Variants in RPS6KC1 observed in about 807,000 individuals in gnomAD.
The protein encoded by RPS6KC1 is inactive ribosomal protein S6 kinase delta-1.
Under a neutral mutation model 103.8 loss-of-function variants are expected in RPS6KC1, and 54 were observed. The observed-to-expected ratio is 0.52, with a 90% confidence interval of 0.42 to 0.65. The LOEUF (loss-of-function observed/expected upper bound fraction) is 0.65, where lower values mean the gene tolerates loss of function less well. Ranked by LOEUF, RPS6KC1 falls within the 30% of genes least tolerant of loss-of-function variation. RPS6KC1 has a pLI of 0.00. For synonymous variants in RPS6KC1, 439 were observed against 438.7 expected, an observed-to-expected ratio of 1.00 and a Z score of -0.01; for missense variants, 1,151 against 1,253.8, an observed-to-expected ratio of 0.92 and a Z score of 1.24.
At chr1:213,511,285 G>T in the RPS6KC1 span, among the ~76,000 whole-genome samples, 1 of 152,120 alleles carries the variant, frequency 6.6e-6, no homozygotes, top group African/African-American at 2.4e-5. Flanking sequence ...TGGAAGCTGT[G>T]TGCCTTTGGG....
the RPS6KC1 span, among the ~76,000 whole-genome samples, chr1:213,857,619 A>C: frequency 6.6e-6 from 1 of 152,208 alleles, no homozygotes; most frequent in Non-Finnish European, 1.5e-5. Context: ...CAAACTTTCA[A>C]ACCAACCAGG....
chr1:213,754,671 G>A, the RPS6KC1 span, among the ~76,000 whole-genome samples: 33,592 of 152,114 alleles, frequency 0.22, 6,193 homozygotes, highest in African/African-American at 0.51. Flanking sequence ...AGATGCTGCC[G>A]TGCTTCCTCT....
chr1:213,061,919 T>G (rs1169900459), intron 1 of RPS6KC1, among the ~76,000 whole-genome samples: 2 of 152,252 alleles, frequency 1.3e-5, no homozygotes, highest in Non-Finnish European at 2.9e-5. Context: ...TCTGCTACCC[T>G]TAACTAGCAG....
intron 13 of RPS6KC1, among the ~76,000 whole-genome samples, chr1:213,262,407 G>A (rs1040686675): frequency 1.4e-4 from 22 of 152,186 alleles, no homozygotes; most frequent in African/African-American, 4.8e-4. Context: ...CATTTTAAAG[G>A]TATCAAATCT....
chr1:213,516,456 T>A, the RPS6KC1 span, among the ~76,000 whole-genome samples: 1 of 152,244 alleles, frequency 6.6e-6, no homozygotes. Flanking sequence ...TTGAATTTTG[T>A]CAAAGGCCTT....
chr1:213,681,627 T>A, the RPS6KC1 span, among the ~76,000 whole-genome samples: 3 of 152,036 alleles, frequency 2.0e-5, no homozygotes, highest in Non-Finnish European at 4.4e-5. Context: ...CAAGACCTTG[T>A]CTCTACAAAA....
the RPS6KC1 span, among the ~76,000 whole-genome samples, chr1:213,399,528 A>G: frequency 6.6e-6 from 1 of 152,022 alleles, no homozygotes; most frequent in African/African-American, 2.4e-5. Flanking sequence ...AAACTGCTTA[A>G]ACTCCCTGAC....
the RPS6KC1 span, among the ~76,000 whole-genome samples, chr1:213,823,095 C>T: frequency 6.6e-6 from 1 of 152,212 alleles, no homozygotes; most frequent in South Asian, 2.1e-4. Flanking sequence ...AGCTATAAAT[C>T]AAAGCCTTGC....
In RPS6KC1 at chr1:213,241,512, A is replaced by T. The variant is rs1253368631; in HGVS notation, c.2036A>T (p.Asp679Val). Reference protein sequence around the residue: ...PVISFKDAAFDDVSGTDEGRP... With the variant: ...PVISFKDAAFVDVSGTDEGRP... ...ATTTCATTTAAAGATGCTGCTTTTGATGATGTCAGTGGTACTGATGAAGGA... is the reference window on the plus strand; with the variant it reads ...ATTTCATTTAAAGATGCTGCTTTTGTTGATGTCAGTGGTACTGATGAAGGA... Residue 679 changes from aspartate to valine, a missense_variant, in exon 11 of 15, where the codon GAT becomes GTT. Physicochemically the swap from Asp to Val is radical, Grantham distance 152. Coordinates refer to ENST00000366960, the MANE Select transcript of RPS6KC1 (RefSeq NM_012424.6). The T allele has an allele frequency of 5.0e-6, 8 of 1,613,968 alleles. No homozygotes were observed. The South Asian group carries it at 8.8e-5, about 18-fold the overall frequency.
chr1:213,682,952 C>CACAA, the RPS6KC1 span, among the ~76,000 whole-genome samples: 1 of 152,222 alleles, frequency 6.6e-6, no homozygotes. Flanking sequence ...TCTCCACACA[C>CACAA]TTGTGTGTGT....
chr1:213,615,102 T>C, the RPS6KC1 span, among the ~76,000 whole-genome samples: 2 of 152,216 alleles, frequency 1.3e-5, no homozygotes, highest in Non-Finnish European at 2.9e-5. Context: ...TCTATTCCAT[T>C]CTATTTTGTT....
chr1:213,227,860 G>A (rs1004030935), intron 8 of RPS6KC1, among the ~76,000 whole-genome samples: 4 of 152,078 alleles, frequency 2.6e-5, no homozygotes. Context: ...TTTTGAAATG[G>A]ATTCATGTGA....
At chr1:213,812,819 G>T in the RPS6KC1 span, among the ~76,000 whole-genome samples, 4 of 152,178 alleles carry the variant, frequency 2.6e-5, no homozygotes, top group Non-Finnish European at 4.4e-5. Flanking sequence ...AACTCCCACT[G>T]AATGTGGGGA....
At chr1:213,156,663 AAGAG>A (rs1017140041) in intron 6 of RPS6KC1, among the ~76,000 whole-genome samples, 3 of 152,328 alleles carry the variant, frequency 2.0e-5, no homozygotes, top group Middle Eastern at 3.4e-3. Flanking sequence ...AAAACAATGT[AAGAG>A]AGATGACAAT....
At chr1:213,400,251 C>T in the RPS6KC1 span, among the ~76,000 whole-genome samples, 3 of 151,928 alleles carry the variant, frequency 2.0e-5, no homozygotes. Flanking sequence ...GAAGAGCTAC[C>T]GAAGAGAAAC....
the RPS6KC1 span, among the ~76,000 whole-genome samples, chr1:213,565,959 C>CAAAAAAAA: frequency 1.6e-5 from 1 of 64,408 alleles, no homozygotes. Flanking sequence ...AACTCCATCT[C>CAAAAAAAA]AAAAAAAAAA....
At chr1:213,350,927 A>G in the RPS6KC1 span, among the ~76,000 whole-genome samples, 151,541 of 152,270 alleles carry the variant, frequency 1, 75,413 homozygotes, top group Non-Finnish European at 1. Flanking sequence ...TACATGTTTT[A>G]TATATGATTG....
chr1:213,512,336 G>A, the RPS6KC1 span, among the ~76,000 whole-genome samples: 7 of 152,314 alleles, frequency 4.6e-5, no homozygotes, highest in Admixed American at 3.9e-4. Flanking sequence ...TAACTTGTAC[G>A]ATTGCCGCCT....
intron 1 of RPS6KC1, among the ~76,000 whole-genome samples, chr1:213,063,824 T>C (rs535327653): frequency 2.0e-5 from 3 of 152,190 alleles, no homozygotes; most frequent in Non-Finnish European, 4.4e-5. Context: ...GCCCTTCCTG[T>C]GAGATCACTG....
Sources: allele counts gnomAD v4.1 joint callset (sites outside exome capture counted in the v4.1 genomes callset), GRCh38; gene constraint gnomAD v4.1.1; transcripts MANE v1.5; gene names NCBI Gene and HGNC (gene_info 2026-07-23, HGNC 2026-07-21).